The following KCNMA1 variants were observed in gnomAD, a reference collection of about 807,000 sequenced individuals.
KCNMA1 encodes potassium calcium-activated channel subfamily M alpha 1.
A neutral mutation model predicts 140.0 loss-of-function variants in KCNMA1; 29 were observed. The observed-to-expected ratio is 0.21, with a 90% CI of 0.15 to 0.28. The LOEUF (loss-of-function observed/expected upper bound fraction) is 0.28. Among genes scored for constraint, KCNMA1 ranks in the 10% least tolerant of loss-of-function variants. The pLI is 1.00. For synonymous variants in KCNMA1, 612 were observed against 611.9 expected, an observed-to-expected ratio of 1.00 and a Z score of 0.00; for missense variants, 880 against 1,602.2, an observed-to-expected ratio of 0.55 and a Z score of 7.70.
chr10:77,396,063 T>C (rs2096041422), intron 2 of KCNMA1, among the ~76,000 whole-genome samples: 1 of 152,222 alleles, frequency 6.6e-6, no homozygotes, highest in Admixed American at 6.5e-5. Flanking sequence ...TATTAAGTCC[T>C]GGAAGGAAAT....
At chr10:77,335,679 C>T (rs2088655081) in intron 2 of KCNMA1, among the ~76,000 whole-genome samples, 1 of 151,846 alleles carries the variant, frequency 6.6e-6, no homozygotes, top group Non-Finnish European at 1.5e-5. Context: ...TGCCATTAAC[C>T]ACAGCACTCA....
At chr10:77,242,545 A>G (rs2057528200) in intron 3 of KCNMA1, among the ~76,000 whole-genome samples, 1 of 152,198 alleles carries the variant, frequency 6.6e-6, no homozygotes, top group African/African-American at 2.4e-5. Flanking sequence ...TGCAATGCTC[A>G]TATTAGTCAT....
In KCNMA1 at chr10:77,155,165, G is replaced by A. The variant is rs556153146; in HGVS notation, c.808+28256C>T. ...TAAGAAGAAGGAAAAAGTTTAAAGA[G>A]GTGGGCCACAAAAGCAGATTGAAAA... is the stretch of plus-strand genomic sequence containing the variant. On this transcript the variant is annotated intron_variant, in intron 5 of 27. Transcript: ENST00000286628. 4.6e-5 allele frequency among the ~76,000 whole-genome samples: 7 copies of A among 152,250 alleles called. No individual in the cohort carries two copies. The South Asian group carries it at 1.5e-3, about 32-fold the overall frequency.
intron 2 of KCNMA1, among the ~76,000 whole-genome samples, chr10:77,305,004 T>C (rs970051242): frequency 7.2e-5 from 11 of 152,172 alleles, no homozygotes; most frequent in African/African-American, 2.7e-4. Context: ...CTTGTTAAAA[T>C]TTTGACTGCT....
chr10:77,082,952 G>A (rs2096613162), intron 12 of KCNMA1, among the ~76,000 whole-genome samples: 1 of 152,144 alleles, frequency 6.6e-6, no homozygotes. Context: ...CTCACTGATG[G>A]GGAAGCTCCG....
chr10:77,131,501 A>T (rs1237382322), intron 5 of KCNMA1, among the ~76,000 whole-genome samples: 1 of 152,182 alleles, frequency 6.6e-6, no homozygotes, highest in African/African-American at 2.4e-5. Context: ...TAACCCAGTT[A>T]TATGAAGTTC....
At chr10:77,459,049 A>AT (rs1207526469) in intron 1 of KCNMA1, among the ~76,000 whole-genome samples, 1 of 152,190 alleles carries the variant, frequency 6.6e-6, no homozygotes, top group African/African-American at 2.4e-5. Flanking sequence ...AGGGTCTATC[A>AT]TTGGCAAGGG....
At chr10:77,442,318 A>G (rs2097423939) in intron 1 of KCNMA1, among the ~76,000 whole-genome samples, 1 of 152,050 alleles carries the variant, frequency 6.6e-6, no homozygotes, top group Non-Finnish European at 1.5e-5. Context: ...TGCAGGAGGA[A>G]GCCAGGCACC....
Position 77,073,340 on chromosome 10 carries a change from C to T in KCNMA1, c.1594-88G>A, listed in dbSNP as rs1204282683. 3.4e-5 allele frequency: 44 copies of T among 1,294,028 alleles called. No individual in the cohort carries two copies. The East Asian group carries it at 9.2e-4, about 27-fold the overall frequency. 80.2% of individuals were successfully genotyped at this position (1,294,028 alleles called of 1,614,324 possible). On this transcript the variant is annotated intron_variant, in intron 13 of 27. Transcript: ENST00000286628. Reference sequence around the variant, plus strand: ...TTCTGGGAAATGCAGCATTGCCCAACCACTCAGGGCCATCCAGTCTTGCCC... The same window carrying T: ...TTCTGGGAAATGCAGCATTGCCCAATCACTCAGGGCCATCCAGTCTTGCCC...
chr10:77,106,260 GA>G (rs936114826), intron 9 of KCNMA1, among the ~76,000 whole-genome samples: 1 of 150,652 alleles, frequency 6.6e-6, no homozygotes, highest in Non-Finnish European at 1.5e-5. Flanking sequence ...AAACGGAGAA[GA>G]AAAAAAAGAG....
intron 1 of KCNMA1, among the ~76,000 whole-genome samples, chr10:77,521,684 A>AAGCATCAT (rs2053452674): frequency 6.6e-6 from 1 of 152,316 alleles, no homozygotes; most frequent in East Asian, 1.9e-4. Context: ...TATTTATTTT[A>AAGCATCAT]AGCATCATCA....
chr10:77,297,703 A>G (rs899072139), intron 2 of KCNMA1, among the ~76,000 whole-genome samples: 3 of 152,206 alleles, frequency 2.0e-5, no homozygotes, highest in African/African-American at 7.2e-5. Context: ...ACCTCTACCT[A>G]TGAAAGGAAG....
intron 1 of KCNMA1, chr10:77,635,064 A>T (rs1275286574): frequency 6.6e-6 from 1 of 152,244 alleles, no homozygotes; most frequent in Non-Finnish European, 1.5e-5. Flanking sequence ...GATTTCTTAC[A>T]GCAACTCACT....
In KCNMA1 at chr10:76,885,201, AT is replaced by A; in HGVS notation, c.*2064del. 1.5e-6 allele frequency: 1 copy of A among 683,308 alleles called. No individual in the cohort carries two copies. The highest frequency in any genetic ancestry group is 6.6e-5 in the South Asian group (1 of 15,044). The allele number at this position is 683,308 out of a possible 1,614,324, so 42.3% of individuals were successfully genotyped here. On this transcript the variant is annotated 3_prime_UTR_variant, in exon 28 of 28. Transcript: ENST00000286628. ...ATCCAATACTAGGGGATACATATAT[AT>A]AGTTATATATATAGTTATATATATA...
intron 21 of KCNMA1, among the ~76,000 whole-genome samples, chr10:76,950,984 C>T (rs1255381611): frequency 1.3e-5 from 2 of 152,176 alleles, no homozygotes; most frequent in Non-Finnish European, 2.9e-5. Flanking sequence ...TGCCTGGGTG[C>T]CACCAGGAGA....
chr10:77,137,793 A>G (rs1871062), intron 5 of KCNMA1, among the ~76,000 whole-genome samples: 1 of 151,702 alleles, frequency 6.6e-6, no homozygotes, highest in African/African-American at 2.4e-5. Flanking sequence ...TTTTAAAAAA[A>G]TTTTTTGAGA....
intron 19 of KCNMA1, among the ~76,000 whole-genome samples, chr10:76,992,685 AC>A (rs1398995244): frequency 1.3e-5 from 2 of 151,940 alleles, no homozygotes; most frequent in Non-Finnish European, 2.9e-5. Flanking sequence ...AGTTTTAATG[AC>A]CCCCTGAGGT....
At chr10:77,299,879 G>A (rs553563790) in intron 2 of KCNMA1, among the ~76,000 whole-genome samples, 7 of 152,258 alleles carry the variant, frequency 4.6e-5, no homozygotes, top group East Asian at 3.9e-4. Context: ...CCCTGGTCCC[G>A]TATCATCAGA....
intron 1 of KCNMA1, among the ~76,000 whole-genome samples, chr10:77,409,061 T>G (rs2096561276): frequency 6.6e-6 from 1 of 152,058 alleles, no homozygotes; most frequent in Non-Finnish European, 1.5e-5. Flanking sequence ...GTGCCCAGCC[T>G]TACACCCTCA....
Sources: gnomAD v4.1 joint callset for allele counts (sites outside exome capture counted in the v4.1 genomes callset) on GRCh38, gnomAD v4.1.1 for gene constraint, MANE v1.5 for transcripts, NCBI Gene and HGNC (gene_info 2026-07-23, HGNC 2026-07-21) for gene names.